Variants in HPRT1 observed in about 807,000 individuals in gnomAD.
The protein encoded by HPRT1 is hypoxanthine phosphoribosyltransferase 1.
A neutral mutation model predicts 19.0 loss-of-function variants in HPRT1; 4 were observed. The ratio of observed to expected loss-of-function variants is 0.21; its 90% confidence interval spans 0.10 to 0.48. The LOEUF (loss-of-function observed/expected upper bound fraction) is 0.48, where lower values mean the gene tolerates loss of function less well. Among genes scored for constraint, HPRT1 ranks in the 20% least tolerant of loss-of-function variants. The probability of loss-of-function intolerance (pLI) is 0.98; values close to 1 mark genes in which losing one functional copy is unlikely to be tolerated. For missense variants in HPRT1, 65 were observed against 164.0 expected, an observed-to-expected ratio of 0.40 and a Z score of 3.30; for synonymous variants, 53 against 54.9, an observed-to-expected ratio of 0.97 and a Z score of 0.15.
intron 1 of HPRT1, among the ~76,000 whole-genome samples, chrX:134,461,702 A>G (rs992415159): frequency 3.6e-5 from 4 of 112,010 alleles, no homozygotes; most frequent in African/African-American, 1.3e-4. Context: ...TAGTCTTCAA[A>G]ACAGCCCTGT....
intron 3 of HPRT1, among the ~76,000 whole-genome samples, chrX:134,484,327 C>CG (rs1196692999): frequency 1.8e-5 from 2 of 111,535 alleles, no homozygotes; most frequent in Non-Finnish European, 3.8e-5. Flanking sequence ...TTTCTTCTTT[C>CG]TTTTTTTTCC....
chrX:134,500,016 A>T lies in HPRT1; in HGVS notation c.610-14A>T, dbSNP rs974023941. 2 of 1,100,456 alleles carry T rather than the reference A, an allele frequency of 1.8e-6. No individual in the cohort carries two copies. Among genetic ancestry groups the T allele is most frequent in the Non-Finnish European group, 2.5e-6 (2 of 797,405 alleles). 90.7% of individuals were successfully genotyped at this position (1,100,456 alleles called of 1,213,427 possible). A position where few individuals can be genotyped will look rare whatever the true frequency, so the allele number is the denominator to read the frequency against. The stretch of plus-strand genomic sequence containing the variant: ...ATACTTTTTAAATGTGAATTTCTGG[A>T]TTTTTTTTTATAGCATGTTTGTGTC... On this transcript the variant is annotated splice_polypyrimidine_tract_variant and intron_variant, in intron 8 of 8. Transcript: ENST00000298556.
chrX:134,488,463 G>T (rs907724967), intron 4 of HPRT1, among the ~76,000 whole-genome samples: 3 of 110,751 alleles, frequency 2.7e-5, no homozygotes, highest in South Asian at 3.9e-4. Context: ...GGGTATTTTT[G>T]TGTGCAGATA....
intron 1 of HPRT1, among the ~76,000 whole-genome samples, chrX:134,467,401 C>A (rs2077599844): frequency 8.9e-6 from 1 of 112,305 alleles, no homozygotes; most frequent in Non-Finnish European, 1.9e-5. Context: ...TACTCTCCTG[C>A]AAATTCTGTT....
At chrX:134,494,353 T>A (rs1220739391) in intron 6 of HPRT1, among the ~76,000 whole-genome samples, 1 of 112,408 alleles carries the variant, frequency 8.9e-6, no homozygotes, top group Non-Finnish European at 1.9e-5. Flanking sequence ...AAGTCTCTGA[T>A]CAGTCTGCAG....
chrX:134,497,019 T>G (rs968687774), intron 6 of HPRT1, among the ~76,000 whole-genome samples: 1 of 112,317 alleles, frequency 8.9e-6, no homozygotes, highest in African/African-American at 3.2e-5. Flanking sequence ...TGGCTGAATA[T>G]TTTTCAACAG....
intron 3 of HPRT1, among the ~76,000 whole-genome samples, chrX:134,482,130 T>C (rs2077642157): frequency 9.0e-6 from 1 of 111,679 alleles, no homozygotes; most frequent in African/African-American, 3.3e-5. Flanking sequence ...TCTCATCTCA[T>C]TGCAGTCTTG....
At chrX:134,476,719 C>T (rs2077625982) in intron 3 of HPRT1, among the ~76,000 whole-genome samples, 1 of 111,833 alleles carries the variant, frequency 8.9e-6, no homozygotes, top group Non-Finnish European at 1.9e-5. Context: ...TAAGCAAAAA[C>T]GAGCAAAATA....
intron 1 of HPRT1, among the ~76,000 whole-genome samples, chrX:134,472,260 C>T (rs964116900): frequency 9.9e-5 from 11 of 111,200 alleles, no homozygotes; most frequent in African/African-American, 2.6e-4. Flanking sequence ...AAGTGTGAGC[C>T]ACCACACCAT....
At chrX:134,462,730 T>A (rs2077587997) in intron 1 of HPRT1, among the ~76,000 whole-genome samples, 1 of 112,417 alleles carries the variant, frequency 8.9e-6, no homozygotes, top group Non-Finnish European at 1.9e-5. Flanking sequence ...ATACTCATTG[T>A]TTTTAGTTTG....
intron 1 of HPRT1, among the ~76,000 whole-genome samples, chrX:134,466,361 T>G (rs1011786424): frequency 1.9e-5 from 2 of 105,788 alleles, no homozygotes; most frequent in South Asian, 4.4e-4. Flanking sequence ...GAGGTTGCAG[T>G]GAGCCCAGAT....
chrX:134,461,459 G>A (rs1236103537), intron 1 of HPRT1, among the ~76,000 whole-genome samples: 1 of 112,215 alleles, frequency 8.9e-6, no homozygotes, highest in Admixed American at 9.5e-5. Flanking sequence ...TGCTATTAAC[G>A]GAGTCTAACT....
intron 3 of HPRT1, among the ~76,000 whole-genome samples, chrX:134,481,896 C>T (rs2077641477): frequency 9.0e-6 from 1 of 111,609 alleles, no homozygotes; most frequent in African/African-American, 3.3e-5. Flanking sequence ...TGTTATACAG[C>T]CATGAGAAGT....
At chrX:134,466,424 G>GAAAAAAAAAAAA (rs1205574444) in intron 1 of HPRT1, among the ~76,000 whole-genome samples, 1 of 61,693 alleles carries the variant, frequency 1.6e-5, no homozygotes. Context: ...TCTCAAAAAA[G>GAAAAAAAAAAAA]AAAAAAAAAA....
intron 3 of HPRT1, among the ~76,000 whole-genome samples, chrX:134,476,919 G>A (rs758856947): frequency 9.1e-6 from 1 of 110,313 alleles, no homozygotes; most frequent in African/African-American, 3.3e-5. Flanking sequence ...TTAAACATAA[G>A]CAAAGCATAT....
At chrX:134,495,115 A>G (rs2077677054) in intron 6 of HPRT1, among the ~76,000 whole-genome samples, 1 of 107,541 alleles carries the variant, frequency 9.3e-6, no homozygotes, top group Non-Finnish European at 1.9e-5. Flanking sequence ...TGGAGGTGAT[A>G]TCGCCTCTGT....
chrX:134,499,166 CCTT>C (rs2077688685), intron 8 of HPRT1, among the ~76,000 whole-genome samples: 2 of 111,746 alleles, frequency 1.8e-5, no homozygotes, highest in Admixed American at 9.5e-5. Context: ...GAAATTATCT[CCTT>C]GATTTGTCTT....
At position 134,500,108 on chromosome X, in the gene HPRT1, C is replaced by G. The variant is rs937698966; in HGVS notation, c.*31C>G. The G allele has an allele frequency of 9.7e-7, 1 of 1,030,734 alleles. No individual in the cohort carries two copies. The allele number at this position is 1,030,734 out of a possible 1,213,427, so 84.9% of individuals were successfully genotyped here. A position where few individuals can be genotyped will look rare whatever the true frequency, so the allele number is the denominator to read the frequency against. On this transcript the variant is annotated 3_prime_UTR_variant, in exon 9 of 9. Coordinates refer to ENST00000298556, the MANE Select transcript of HPRT1 (RefSeq NM_000194.3). Reference sequence around the variant, plus strand: ...GAGTTCAAGTTGAGTTTGGAAACATCTGGAGTCCTATTGACATCGCCAGTA... The same window carrying G: ...GAGTTCAAGTTGAGTTTGGAAACATGTGGAGTCCTATTGACATCGCCAGTA...
At chrX:134,477,055 T>TTTTA (rs1406574113) in intron 3 of HPRT1, among the ~76,000 whole-genome samples, 2 of 89,182 alleles carry the variant, frequency 2.2e-5, no homozygotes, top group Non-Finnish European at 4.2e-5. Context: ...TTTTATTTTA[T>TTTTA]TTTATTTATT....
Sources: gnomAD v4.1 joint callset for allele counts (sites outside exome capture counted in the v4.1 genomes callset) on GRCh38, gnomAD v4.1.1 for gene constraint, MANE v1.5 for transcripts, NCBI Gene and HGNC (gene_info 2026-07-23, HGNC 2026-07-21) for gene names.